Variants in SPAG16 observed in about 807,000 individuals in gnomAD.
SPAG16 encodes sperm associated antigen 16.
A neutral mutation model predicts 80.4 loss-of-function variants in SPAG16; 86 were observed. The ratio of observed to expected loss-of-function variants is 1.07; its 90% CI spans 0.90 to 1.28. The LOEUF is 1.28. Ranked by LOEUF, SPAG16 falls within the 50% of genes most tolerant of loss-of-function variation. The probability of loss-of-function intolerance (pLI) is 0.00; values close to 1 mark genes in which losing one functional copy is unlikely to be tolerated. For missense variants in SPAG16, 870 were observed against 765.3 expected, an observed-to-expected ratio of 1.14 and a Z score of -1.61; for synonymous variants, 294 against 265.9, an observed-to-expected ratio of 1.11 and a Z score of -1.03.
At chr2:213,524,177 C>A (rs1347545868) in intron 10 of SPAG16, among the ~76,000 whole-genome samples, 2 of 152,220 alleles carry the variant, frequency 1.3e-5, no homozygotes, top group African/African-American at 4.8e-5. Context: ...CAAGGTAAAG[C>A]TCAGGCTGTG....
chr2:214,052,896 A>T (rs1320942873), intron 13 of SPAG16, among the ~76,000 whole-genome samples: 1 of 152,214 alleles, frequency 6.6e-6, no homozygotes, highest in Admixed American at 6.5e-5. Flanking sequence ...AATGTGGTTG[A>T]GGTGCGTTAG....
At chr2:214,346,220 G>A (rs186979324) in intron 15 of SPAG16, among the ~76,000 whole-genome samples, 4 of 151,802 alleles carry the variant, frequency 2.6e-5, no homozygotes, top group Admixed American at 2.0e-4. Flanking sequence ...TCCAGGGAGC[G>A]TGTTGTAGCA....
chr2:213,862,629 G>A lies in SPAG16; in HGVS notation c.1214+1G>A. On this transcript the variant is annotated splice_donor_variant, in intron 11 of 15. Coordinates refer to ENST00000331683, the MANE Select transcript of SPAG16 (RefSeq NM_024532.5). LOFTEE classifies it high-confidence loss of function. ...TTTCAGACTGCTGCTTCCATCCCAGGTCAGTGCACAGGACCCCTAGAAATA... is the reference window on the plus strand; with the variant it reads ...TTTCAGACTGCTGCTTCCATCCCAGATCAGTGCACAGGACCCCTAGAAATA... The A allele has an allele frequency of 3.7e-6, 6 of 1,613,938 alleles. No homozygotes were observed. The highest frequency in any genetic ancestry group is 1.7e-4 in the Middle Eastern group (1 of 6,044).
At chr2:214,387,104 C>T (rs1210364851) in intron 15 of SPAG16, among the ~76,000 whole-genome samples, 1 of 151,970 alleles carries the variant, frequency 6.6e-6, no homozygotes, top group Non-Finnish European at 1.5e-5. Context: ...CTTCAACTTC[C>T]TTTTATATTT....
intron 10 of SPAG16, among the ~76,000 whole-genome samples, chr2:213,636,876 G>A (rs2062382857): frequency 6.6e-6 from 1 of 152,072 alleles, no homozygotes; most frequent in Non-Finnish European, 1.5e-5. Context: ...GGGGTTTCTA[G>A]GTGTATGAAC....
intron 10 of SPAG16, among the ~76,000 whole-genome samples, chr2:213,628,500 T>C (rs2062035369): frequency 1.3e-5 from 2 of 152,340 alleles, no homozygotes; most frequent in South Asian, 2.1e-4. Context: ...AAAGAACAGG[T>C]ATGTGCCAGA....
intron 10 of SPAG16, among the ~76,000 whole-genome samples, chr2:213,670,285 C>T (rs1056208085): frequency 2.0e-5 from 3 of 152,102 alleles, no homozygotes; most frequent in Non-Finnish European, 2.9e-5. Flanking sequence ...CGTGAGCCAC[C>T]GCGCCAGGCC....
chr2:214,288,876 C>T (rs1433464789), intron 15 of SPAG16, among the ~76,000 whole-genome samples: 1 of 152,062 alleles, frequency 6.6e-6, no homozygotes. Flanking sequence ...TCACGCCATT[C>T]TTCTGCCTCA....
intron 10 of SPAG16, among the ~76,000 whole-genome samples, chr2:213,497,167 T>A (rs541742973): frequency 3.3e-5 from 5 of 152,116 alleles, no homozygotes; most frequent in Non-Finnish European, 7.4e-5. Flanking sequence ...GGTATTCAGC[T>A]ATCTTCTATT....
chr2:213,911,945 T>G (rs921947517), intron 11 of SPAG16, among the ~76,000 whole-genome samples: 1 of 152,042 alleles, frequency 6.6e-6, no homozygotes, highest in African/African-American at 2.4e-5. Flanking sequence ...GAATATGCAC[T>G]TAGCACATAA....
chr2:213,360,984 G>A (rs993834038), intron 7 of SPAG16, among the ~76,000 whole-genome samples: 4 of 151,966 alleles, frequency 2.6e-5, no homozygotes, highest in Non-Finnish European at 4.4e-5. Flanking sequence ...TGAGCATTTA[G>A]CTTACTGTGT....
intron 15 of SPAG16, among the ~76,000 whole-genome samples, chr2:214,353,730 C>T (rs960471442): frequency 6.6e-5 from 10 of 152,112 alleles, no homozygotes; most frequent in Admixed American, 5.9e-4. Flanking sequence ...CTCAATTCTC[C>T]TTTAATCACA....
Position 213,589,602 on chromosome 2 carries a change from C to T in SPAG16, c.1070+99512C>T, listed in dbSNP as rs556488371. Among the ~76,000 whole-genome samples, 93 of 152,222 alleles carry T rather than the reference C, an allele frequency of 6.1e-4. 1 individual carries two copies. The Middle Eastern group carries it at 0.014, about 22-fold the overall frequency. On this transcript the variant is annotated intron_variant, in intron 10 of 15. Transcript: ENST00000331683. ...CTCCCATCATGTCTTCCCTAGAGAA[C>T]GCCACCGCAGCTTCACCCTTCCTTA... is the stretch of plus-strand genomic sequence containing the variant.
At chr2:214,084,278 T>G (rs10490488) in intron 13 of SPAG16, among the ~76,000 whole-genome samples, 24,682 of 152,156 alleles carry the variant, frequency 0.16, 2,178 homozygotes, top group African/African-American at 0.21. Flanking sequence ...AAATAATTTC[T>G]CTGCCTAAGG....
intron 9 of SPAG16, among the ~76,000 whole-genome samples, chr2:213,382,726 G>A (rs1291955464): frequency 6.6e-6 from 1 of 152,128 alleles, no homozygotes; most frequent in Non-Finnish European, 1.5e-5. Flanking sequence ...TTCTTCTCTG[G>A]CACAAGCATA....
At chr2:213,564,435 C>T (rs1285367480) in intron 10 of SPAG16, among the ~76,000 whole-genome samples, 2 of 148,258 alleles carry the variant, frequency 1.3e-5, no homozygotes, top group Admixed American at 1.4e-4. Flanking sequence ...GCGGAGGTTG[C>T]AGTGAGCCAA....
intron 15 of SPAG16, among the ~76,000 whole-genome samples, chr2:214,164,338 A>G (rs1217973821): frequency 6.6e-6 from 1 of 152,140 alleles, no homozygotes; most frequent in Admixed American, 6.6e-5. Context: ...GTGGAATATT[A>G]CTTTAGAAAG....
intron 10 of SPAG16, among the ~76,000 whole-genome samples, chr2:213,549,739 A>G (rs1460721811): frequency 6.6e-6 from 1 of 152,194 alleles, no homozygotes; most frequent in Non-Finnish European, 1.5e-5. Flanking sequence ...ATATCTCAAT[A>G]TCTGCTAATA....
At chr2:214,269,440 C>T (rs987403009) in intron 15 of SPAG16, among the ~76,000 whole-genome samples, 3 of 151,866 alleles carry the variant, frequency 2.0e-5, no homozygotes, top group African/African-American at 7.2e-5. Context: ...ATTGTGTGTG[C>T]ACACTAATGT....
Sources: gnomAD v4.1 joint callset for allele counts (sites outside exome capture counted in the v4.1 genomes callset) on GRCh38, gnomAD v4.1.1 for gene constraint, MANE v1.5 for transcripts, NCBI Gene and HGNC (gene_info 2026-07-23, HGNC 2026-07-21) for gene names.